Variants in PSTPIP1 observed in about 807,000 individuals in gnomAD.
The protein encoded by PSTPIP1 is proline-serine-threonine phosphatase-interacting protein 1.
In PSTPIP1, 66 loss-of-function variants were observed where a neutral mutation model predicts 69.6. The observed-to-expected ratio is 0.95, with a 90% CI of 0.78 to 1.16. The LOEUF (loss-of-function observed/expected upper bound fraction) is 1.16. Ranked by LOEUF, PSTPIP1 falls within the 50% of genes most tolerant of loss-of-function variation. The pLI is 0.00. For synonymous variants in PSTPIP1, 266 were observed against 222.7 expected, an observed-to-expected ratio of 1.19 and a Z score of -1.73; for missense variants, 603 against 557.4, an observed-to-expected ratio of 1.08 and a Z score of -0.82.
chr15:77,026,749 C>A (rs550076425), intron 5 of PSTPIP1, among the ~76,000 whole-genome samples: 4 of 152,350 alleles, frequency 2.6e-5, no homozygotes, highest in African/African-American at 9.6e-5. Context: ...TCCCCAGAAG[C>A]CAGCCCAGGC....
chr15:77,033,532 T>C (rs1305314899), intron 12 of PSTPIP1, among the ~76,000 whole-genome samples: 1 of 152,152 alleles, frequency 6.6e-6, no homozygotes, highest in African/African-American at 2.4e-5. Context: ...TATAGCCAGC[T>C]TAGGGAGCCC....
intron 7 of PSTPIP1, 35 bp downstream of exon 7, chr15:77,028,687 G>A (rs1202292376): frequency 6.7e-7 from 1 of 1,484,366 alleles, no homozygotes; most frequent in South Asian, 1.3e-5. Context: ...GGGTCGCCCA[G>A]GGCTGGGGGC....
intron 14 of PSTPIP1, among the ~76,000 whole-genome samples, 163 bp downstream of exon 14, chr15:77,036,098 T>C (rs2076565403): frequency 6.6e-6 from 1 of 152,190 alleles, no homozygotes; most frequent in Non-Finnish European, 1.5e-5. Context: ...GTGTCCACAC[T>C]AGCAAGGGTA....
In PSTPIP1 at chr15:77,032,735, ACAGGCACCTCCT is replaced by A. The variant is rs554179125; in HGVS notation, c.839-118_839-107del. ...CGGTGGGGTCTCTCATGGGAGCAAGACAGGCACCTCCTCAGGCACCAGGATGGGCCAGGGCCA... is the reference window on the plus strand; with the variant it reads ...CGGTGGGGTCTCTCATGGGAGCAAGACAGGCACCAGGATGGGCCAGGGCCA... On this transcript the variant is annotated intron_variant, in intron 11 of 14. Coordinates refer to ENST00000558012, the MANE Select transcript of PSTPIP1 (RefSeq NM_003978.5). 4.4e-3 allele frequency: 3,420 copies of A among 779,984 alleles called. 7 individuals carry two copies. The highest frequency in any genetic ancestry group is 5.6e-3 in the Non-Finnish European group (2,690 of 480,080). 48.3% of individuals were successfully genotyped at this position (779,984 alleles called of 1,614,324 possible).
intron 1 of PSTPIP1, among the ~76,000 whole-genome samples, chr15:77,016,357 C>A (rs1048300420): frequency 2.0e-5 from 3 of 152,148 alleles, no homozygotes; most frequent in African/African-American, 7.2e-5. Flanking sequence ...GAGCTCTGAC[C>A]TGAGGGTCTG....
At chr15:77,015,858 C>T (rs886157094) in intron 1 of PSTPIP1, 2 of 451,274 alleles carry the variant, frequency 4.4e-6, no homozygotes, top group Admixed American at 4.7e-5. Context: ...CACTCGGCCA[C>T]AGCCCCTGCC....
chr15:77,037,112 GGT>G lies in PSTPIP1; in HGVS notation c.1189_1190del (p.Trp397AspfsTer66). 1 of 1,612,354 alleles carries G rather than the reference GGT, an allele frequency of 6.2e-7. No individual in the cohort carries two copies. ...GTGATCCTGGAAGGGGAGGATGGCT[GGT>G]GGACTGTGGAGAGGAACGGGCAGCG... On this transcript the variant is annotated frameshift_variant, in exon 15 of 15. Transcript: ENST00000558012. LOFTEE classifies it high-confidence loss of function.
At position 77,022,400 on chromosome 15, in the gene PSTPIP1, G is replaced by A. The variant is rs932057029; in HGVS notation, c.213-2884G>A. ...GAATTTCAGACTGAGCTTCCTGAGA[G>A]CCGAGTCAAAAAGGGCAATGGGATG... On this transcript the variant is annotated intron_variant, in intron 3 of 14. Coordinates refer to ENST00000558012, the MANE Select transcript of PSTPIP1 (RefSeq NM_003978.5). 1.1e-4 allele frequency among the ~76,000 whole-genome samples: 16 copies of A among 152,322 alleles called. 1 individual carries two copies. Among genetic ancestry groups the A allele is most frequent in the African/African-American group, 3.8e-4 (16 of 41,572 alleles).
intron 1 of PSTPIP1, among the ~76,000 whole-genome samples, chr15:76,999,080 G>A (rs550031268): frequency 6.3e-4 from 96 of 152,262 alleles, no homozygotes; most frequent in Admixed American, 2.4e-3. Flanking sequence ...AGAGAAGGAA[G>A]GGTCCTCCCC....
At chr15:77,009,398 AC>A (rs2075887298) in intron 1 of PSTPIP1, among the ~76,000 whole-genome samples, 1 of 152,174 alleles carries the variant, frequency 6.6e-6, no homozygotes, top group Non-Finnish European at 1.5e-5. Flanking sequence ...CCTCACACCT[AC>A]AGCAAATCAC....
At chr15:77,002,056 T>A (rs547082941) in intron 1 of PSTPIP1, among the ~76,000 whole-genome samples, 7 of 152,268 alleles carry the variant, frequency 4.6e-5, no homozygotes, top group Non-Finnish European at 1.0e-4. Flanking sequence ...CCCAGCTACT[T>A]ACATCATCCC....
In PSTPIP1 at chr15:77,030,517, A is replaced by G. The variant is rs754175237; in HGVS notation, c.578A>G (p.Gln193Arg). The G allele has an allele frequency of 3.7e-6, 6 of 1,612,512 alleles. No individual in the cohort carries two copies. The highest frequency in any genetic ancestry group is 5.1e-6 in the Non-Finnish European group (6 of 1,179,650). The change falls in exon 9 of 15, where the codon CAG becomes CGG. Residue 193 changes from glutamine to arginine, a missense_variant. Gln to Arg is a conservative substitution (Grantham distance 43). Coordinates refer to ENST00000558012, the MANE Select transcript of PSTPIP1 (RefSeq NM_003978.5). ...SATEAERVYR[Q>R]SIAQLEKVRA... ...GCGCTTTCAGAGCGGGTATACAGGCAGAGCATTGCGCAGCTGGAGAAGGTC... is the reference window on the plus strand; with the variant it reads ...GCGCTTTCAGAGCGGGTATACAGGCGGAGCATTGCGCAGCTGGAGAAGGTC...
At chr15:77,026,223 A>G (rs1476105706) in intron 5 of PSTPIP1, 13 of 455,626 alleles carry the variant, frequency 2.9e-5, no homozygotes, top group Middle Eastern at 3.3e-4. Flanking sequence ...GCAGGGCTGA[A>G]GTTGGATATA....
chr15:77,016,357 C>G (rs1048300420), intron 1 of PSTPIP1, among the ~76,000 whole-genome samples: 1 of 152,148 alleles, frequency 6.6e-6, no homozygotes, highest in Non-Finnish European at 1.5e-5. Flanking sequence ...GAGCTCTGAC[C>G]TGAGGGTCTG....
rs1458518038 is a variant in PSTPIP1, at chr15:77,027,763, C to T, written c.355-89C>T. On this transcript the variant is annotated intron_variant, in intron 5 of 14. Coordinates refer to ENST00000558012, the MANE Select transcript of PSTPIP1 (RefSeq NM_003978.5). The surrounding 1 kb of genome is among the most constrained non-coding windows in gnomAD (Gnocchi z 4.3). ...CTCTCCAGAGCCAGGAGAGGTGCTGCGCCTCATCCCAGGGACACTCCGTCC... is the reference window on the plus strand; with the variant it reads ...CTCTCCAGAGCCAGGAGAGGTGCTGTGCCTCATCCCAGGGACACTCCGTCC... 6.9e-7 allele frequency: 1 copy of T among 1,455,866 alleles called. No individual in the cohort carries two copies. Among genetic ancestry groups the T allele is most frequent in the Non-Finnish European group, 9.4e-7 (1 of 1,063,276 alleles). 90.2% of individuals were successfully genotyped at this position (1,455,866 alleles called of 1,614,324 possible). A position where few individuals can be genotyped will look rare whatever the true frequency, so the allele number is the denominator to read the frequency against.
intron 1 of PSTPIP1, among the ~76,000 whole-genome samples, chr15:77,012,156 TCCACCCAC>T (rs1188401460): frequency 4.2e-3 from 121 of 28,928 alleles, no homozygotes; most frequent in African/African-American, 0.022. Flanking sequence ...CATCCATCCA[TCCACCCAC>T]CCACCCACCC....
At chr15:76,995,720 A>T in intron 1 of PSTPIP1, 111 bp downstream of exon 1, 1 of 1,577,304 alleles carries the variant, frequency 6.3e-7, no homozygotes, top group South Asian at 1.1e-5. Context: ...CTCATAAAAT[A>T]GTGGTTGATT....
At chr15:77,022,133 A>T (rs562839316) in intron 3 of PSTPIP1, among the ~76,000 whole-genome samples, 3 of 152,352 alleles carry the variant, frequency 2.0e-5, no homozygotes, top group Admixed American at 2.0e-4. Flanking sequence ...GAGATTTTTA[A>T]AATTTTTTTC....
intron 1 of PSTPIP1, among the ~76,000 whole-genome samples, chr15:77,010,271 A>G (rs2075906899): frequency 1.3e-5 from 2 of 152,218 alleles, no homozygotes; most frequent in Admixed American, 6.5e-5. Flanking sequence ...TCTGCCTGTA[A>G]GATGGAACAG....
Sources: allele counts gnomAD v4.1 joint callset (sites outside exome capture counted in the v4.1 genomes callset), GRCh38; gene constraint gnomAD v4.1.1; non-coding constraint Gnocchi (gnomAD v3.1); transcripts MANE v1.5; gene names NCBI Gene and HGNC (gene_info 2026-07-23, HGNC 2026-07-21).